Variants in PCDHA1 observed in about 807,000 individuals in gnomAD.
The protein encoded by PCDHA1 is protocadherin alpha 1, also known as protocadherin alpha-1.
A neutral mutation model predicts 61.3 loss-of-function variants in PCDHA1; 42 were observed. The ratio of observed to expected loss-of-function variants is 0.69; its 90% CI spans 0.54 to 0.89. The LOEUF (loss-of-function observed/expected upper bound fraction) is 0.89. Among genes scored for constraint, PCDHA1 ranks in the 40% least tolerant of loss-of-function variants. The pLI is 0.00. For synonymous variants in PCDHA1, 610 were observed against 553.8 expected (o/e 1.10, Z -1.43); for missense variants, 1,256 against 1,235.3 (o/e 1.02, Z -0.25).
At chr5:140,795,671 A>G in intron 1 of PCDHA1, 1 of 1,614,128 alleles carries the variant, frequency 6.2e-7, no homozygotes, top group Non-Finnish European at 8.5e-7. Context: ...TTAGATGTAA[A>G]TGACAATGAA....
intron 1 of PCDHA1, among the ~76,000 whole-genome samples, chr5:140,945,500 T>A (rs2093799104): frequency 6.6e-6 from 1 of 152,046 alleles, no homozygotes; most frequent in South Asian, 2.1e-4. Flanking sequence ...CAAAGCAATA[T>A]TGAGCAAAGT....
At chr5:140,826,162 GT>G (rs1768831898) in intron 1 of PCDHA1, among the ~76,000 whole-genome samples, 1 of 152,122 alleles carries the variant, frequency 6.6e-6, no homozygotes, top group Non-Finnish European at 1.5e-5. Context: ...TTGAGAAATA[GT>G]TTTTGTCATT....
chr5:140,853,719 C>T lies in PCDHA1; in HGVS notation c.2394+65035C>T, dbSNP rs2042844142. 3 of 988,390 alleles carry T rather than the reference C, an allele frequency of 3.0e-6. 1 individual carries two copies. Among genetic ancestry groups the T allele is most frequent in the Non-Finnish European group, 3.7e-6 (3 of 820,332 alleles). The allele number at this position is 988,390 out of a possible 1,614,324, so 61.2% of individuals were successfully genotyped here. Reference sequence around the variant, plus strand: ...GCTAACGCATTAGCATTAGCAGCACCTAAGTCCTCATTGAATGTTCTGGTT... The same window carrying T: ...GCTAACGCATTAGCATTAGCAGCACTTAAGTCCTCATTGAATGTTCTGGTT... On this transcript the variant is annotated intron_variant, in intron 1 of 3. Coordinates refer to ENST00000504120, the MANE Select transcript of PCDHA1 (RefSeq NM_018900.4).
chr5:140,895,044 C>T (rs964599264), intron 1 of PCDHA1, among the ~76,000 whole-genome samples: 24 of 152,112 alleles, frequency 1.6e-4, no homozygotes, highest in Non-Finnish European at 2.2e-4. Flanking sequence ...CCACCCACAC[C>T]ATTCTGCTTC....
In PCDHA1 at chr5:140,844,977, T is replaced by C. The variant is rs1326529919; in HGVS notation, c.2394+56293T>C. On this transcript the variant is annotated intron_variant, in intron 1 of 3. Transcript: ENST00000504120. ...TTCTTACAGTTTGTTATTAGTATTGTTTTAAATCTTTTAATCACTTATGAA... is the reference window on the plus strand; with the variant it reads ...TTCTTACAGTTTGTTATTAGTATTGCTTTAAATCTTTTAATCACTTATGAA... 1.3e-5 allele frequency among the ~76,000 whole-genome samples: 2 copies of C among 149,260 alleles called. 1 individual carries two copies. Among genetic ancestry groups the C allele is most frequent in the Non-Finnish European group, 3.0e-5 (2 of 66,708 alleles).
chr5:141,010,074 G>T lies in PCDHA1; in HGVS notation c.*137G>T, dbSNP rs1444826216. The stretch of plus-strand genomic sequence containing the variant: ...CTCAGAAATCTGCAGAAAGTTCCCT[G>T]TGTCTGTCTAGAACGCATTTAACAG... On this transcript the variant is annotated 3_prime_UTR_variant, in exon 4 of 4. Coordinates refer to ENST00000504120, the MANE Select transcript of PCDHA1 (RefSeq NM_018900.4). 6.8e-6 allele frequency: 11 copies of T among 1,607,726 alleles called. No individual in the cohort carries two copies. Among genetic ancestry groups the T allele is most frequent in the Non-Finnish European group, 9.3e-6 (11 of 1,176,762 alleles).
intron 1 of PCDHA1, chr5:140,852,674 C>G (rs1302085462): frequency 2.9e-5 from 28 of 966,250 alleles, no homozygotes; most frequent in African/African-American, 3.6e-5. Context: ...GCACAACTCA[C>G]CTTGAATATA....
chr5:140,892,061 T>C (rs1445819046), intron 1 of PCDHA1, among the ~76,000 whole-genome samples: 1 of 152,254 alleles, frequency 6.6e-6, no homozygotes, highest in Non-Finnish European at 1.5e-5. Context: ...AATTTATTGT[T>C]ACTTTGTATA....
At position 140,857,364 on chromosome 5, in the gene PCDHA1, G is replaced by A. The variant is rs1464300143; in HGVS notation, c.2394+68680G>A. The A allele has an allele frequency of 2.5e-6, 4 of 1,598,296 alleles. No individual in the cohort carries two copies. In the East Asian group the frequency reaches 8.9e-5, roughly 36 times the overall value. On this transcript the variant is annotated intron_variant, in intron 1 of 3. Coordinates refer to ENST00000504120, the MANE Select transcript of PCDHA1 (RefSeq NM_018900.4). ...TCGCCTCCGCTGTGGGCCACGGCCA[G>A]CGTGTCTGTGGAGGTGGCCGACGTG...
At chr5:140,822,673 G>T in intron 1 of PCDHA1, 1 of 1,608,644 alleles carries the variant, frequency 6.2e-7, no homozygotes, top group East Asian at 2.2e-5. Flanking sequence ...TAATACTGGT[G>T]AAATAAAAGT....
At chr5:140,797,596 C>T (rs1266922225) in intron 1 of PCDHA1, 1 of 529,758 alleles carries the variant, frequency 1.9e-6, no homozygotes, top group Non-Finnish European at 3.3e-6. Flanking sequence ...AAGTAATAGA[C>T]CATGAAACAC....
chr5:140,825,628 G>C (rs1393411798), intron 1 of PCDHA1: 1 of 151,664 alleles, frequency 6.6e-6, no homozygotes, highest in Non-Finnish European at 1.5e-5. Flanking sequence ...CACCATGTTG[G>C]TCATGGTGGT....
At chr5:140,851,449 A>G in intron 1 of PCDHA1, 2 of 913,694 alleles carry the variant, frequency 2.2e-6, no homozygotes, top group Middle Eastern at 5.7e-4. Flanking sequence ...GCTCCACTTT[A>G]GGAATCAAAT....
chr5:140,998,240 A>G (rs2097802500), intron 3 of PCDHA1, among the ~76,000 whole-genome samples: 1 of 152,188 alleles, frequency 6.6e-6, no homozygotes, highest in Non-Finnish European at 1.5e-5. Context: ...GTGCATTATT[A>G]TACTCATTTT....
chr5:140,820,061 G>T (rs1163910320), intron 1 of PCDHA1, among the ~76,000 whole-genome samples: 1 of 151,854 alleles, frequency 6.6e-6, no homozygotes, highest in Non-Finnish European at 1.5e-5. Context: ...ATAGAAAGTG[G>T]CTAACATCAG....
intron 1 of PCDHA1, chr5:140,797,095 T>C (rs782272538): frequency 6.2e-7 from 1 of 1,613,926 alleles, no homozygotes; most frequent in Non-Finnish European, 8.5e-7. Flanking sequence ...ATCCAGCCTG[T>C]TGGTGCTCAC....
chr5:140,868,879 C>T (rs1247053599), intron 1 of PCDHA1: 1 of 693,900 alleles, frequency 1.4e-6, no homozygotes, highest in Non-Finnish European at 2.3e-6. Context: ...ACAGTACTCA[C>T]AGTTTTAGGC....
chr5:140,858,291 A>C (rs782112368), intron 1 of PCDHA1: 1 of 1,597,182 alleles, frequency 6.3e-7, no homozygotes, highest in South Asian at 1.1e-5. Flanking sequence ...AGCTGGTCTT[A>C]CTCGCAGCAG....
Position 140,946,631 on chromosome 5 carries a change from T to TATATATATATATATACAC in PCDHA1, c.2395-32317_2395-32316insTATATATATATATACACA, listed in dbSNP as rs57893927. 8.0e-4 allele frequency among the ~76,000 whole-genome samples: 106 copies of TATATATATATATATACAC among 131,838 alleles called. 2 individuals carry two copies. The East Asian group carries it at 0.018, about 23-fold the overall frequency. 86.5% of individuals were successfully genotyped at this position (131,838 alleles called of 152,430 possible). A position where few individuals can be genotyped will look rare whatever the true frequency, so the allele number is the denominator to read the frequency against. On this transcript the variant is annotated intron_variant, in intron 1 of 3. Transcript: ENST00000504120. ...TGTGAAATATATATATATATATATA[T>TATATATATATATATACAC]ACAATGGAATACTCATCAGCCATTA...
Sources: gnomAD v4.1 joint callset for allele counts (sites outside exome capture counted in the v4.1 genomes callset) on GRCh38, gnomAD v4.1.1 for gene constraint, MANE v1.5 for transcripts, NCBI Gene and HGNC (gene_info 2026-07-23, HGNC 2026-07-21) for gene names.